The following ELMO1 variants were observed in gnomAD, a reference collection of about 807,000 sequenced individuals.
ELMO1 encodes the protein engulfment and cell motility 1, also known as engulfment and cell motility protein 1.
In ELMO1, 26 loss-of-function variants were observed where a neutral mutation model predicts 98.9. The ratio of observed to expected loss-of-function variants is 0.26; its 90% CI spans 0.19 to 0.36. The LOEUF is 0.36. Ranked by LOEUF, ELMO1 falls within the 10% of genes least tolerant of loss-of-function variation. The pLI, the probability that ELMO1 is intolerant of heterozygous loss-of-function variation, is 1.00. For synonymous variants in ELMO1, 346 were observed against 346.0 expected, an observed-to-expected ratio of 1.00 and a Z score of 0.00; for missense variants, 627 against 935.2, an observed-to-expected ratio of 0.67 and a Z score of 4.30.
chr7:37,157,701 A>T (rs1788890562), intron 13 of ELMO1, among the ~76,000 whole-genome samples: 1 of 152,170 alleles, frequency 6.6e-6, no homozygotes, highest in African/African-American at 2.4e-5. Flanking sequence ...GATAGGAAGA[A>T]TCAATATCGT....
At chr7:37,317,705 G>A (rs1269041593) in intron 2 of ELMO1, among the ~76,000 whole-genome samples, 2 of 152,092 alleles carry the variant, frequency 1.3e-5, no homozygotes, top group Non-Finnish European at 2.9e-5. Context: ...TGGGAGAGGT[G>A]GGGATGGTTA....
chr7:37,410,516 CCTT>C (rs1199869527), intron 1 of ELMO1, among the ~76,000 whole-genome samples: 1 of 152,206 alleles, frequency 6.6e-6, no homozygotes, highest in Non-Finnish European at 1.5e-5. Context: ...GTTCCAGTAA[CCTT>C]CTGCTCTAGC....
chr7:37,305,025 C>A (rs1032456971), intron 4 of ELMO1, among the ~76,000 whole-genome samples: 1 of 152,060 alleles, frequency 6.6e-6, no homozygotes, highest in African/African-American at 2.4e-5. Flanking sequence ...TAAGTCAGTG[C>A]CCATGTTTTC....
intron 7 of ELMO1, among the ~76,000 whole-genome samples, chr7:37,244,083 G>A (rs916372725): frequency 6.6e-6 from 1 of 152,122 alleles, no homozygotes; most frequent in Non-Finnish European, 1.5e-5. Context: ...CACTGCTCCA[G>A]AAGTAGGGTA....
intron 14 of ELMO1, among the ~76,000 whole-genome samples, chr7:37,100,401 T>C (rs918865995): frequency 2.6e-5 from 4 of 152,244 alleles, no homozygotes; most frequent in Admixed American, 6.5e-5. Flanking sequence ...CTTCTCCAAT[T>C]GTGTAGATCA....
intron 13 of ELMO1, among the ~76,000 whole-genome samples, chr7:37,167,105 T>C (rs1380499393): frequency 6.6e-6 from 1 of 152,210 alleles, no homozygotes; most frequent in African/African-American, 2.4e-5. Flanking sequence ...GCCTTCTTTT[T>C]CTCTTTTGAT....
intron 9 of ELMO1, among the ~76,000 whole-genome samples, chr7:37,224,122 C>T (rs1374305242): frequency 3.9e-5 from 6 of 152,214 alleles, no homozygotes; most frequent in Non-Finnish European, 8.8e-5. Context: ...CTACAAAGTA[C>T]CCCAGTATTG....
At chr7:37,183,294 G>A (rs181039010) in intron 13 of ELMO1, among the ~76,000 whole-genome samples, 7 of 152,266 alleles carry the variant, frequency 4.6e-5, no homozygotes, top group South Asian at 4.1e-4. Flanking sequence ...AATAAACCCC[G>A]GCTGTAAAGA....
At chr7:36,923,157 C>T (rs748420237) in intron 16 of ELMO1, among the ~76,000 whole-genome samples, 3 of 152,124 alleles carry the variant, frequency 2.0e-5, no homozygotes, top group Non-Finnish European at 4.4e-5. Flanking sequence ...GTGAGGTCCT[C>T]GGTATTTTTT....
chr7:36,989,135 A>G (rs1791700252), intron 16 of ELMO1, among the ~76,000 whole-genome samples: 1 of 152,240 alleles, frequency 6.6e-6, no homozygotes, highest in African/African-American at 2.4e-5. Context: ...TTCATAATCC[A>G]GTGCATTCTA....
At chr7:37,075,570 C>G (rs1181667537) in intron 15 of ELMO1, among the ~76,000 whole-genome samples, 4 of 151,864 alleles carry the variant, frequency 2.6e-5, no homozygotes, top group Non-Finnish European at 4.4e-5. Flanking sequence ...AGGATGAGAC[C>G]AAGGTTCTAT....
intron 16 of ELMO1, 77 bp from the exon 17 acceptor site, chr7:36,895,094 C>A: frequency 6.4e-7 from 1 of 1,553,208 alleles, no homozygotes; most frequent in South Asian, 1.2e-5. Flanking sequence ...GAGTTAAGGG[C>A]TCCCTGCTTC....
At chr7:36,875,383 T>TTC (rs140740651) in intron 19 of ELMO1, among the ~76,000 whole-genome samples, 35 of 152,042 alleles carry the variant, frequency 2.3e-4, no homozygotes, top group African/African-American at 7.5e-4. Context: ...CACACTCTCT[T>TTC]TCTCTCTCTC....
At chr7:37,198,042 C>A (rs1010920763) in intron 13 of ELMO1, among the ~76,000 whole-genome samples, 1 of 152,202 alleles carries the variant, frequency 6.6e-6, no homozygotes, top group African/African-American at 2.4e-5. Flanking sequence ...TTTTGAAAAT[C>A]TGCACAAGAG....
chr7:37,182,398 C>T (rs1790922377), intron 13 of ELMO1, among the ~76,000 whole-genome samples: 1 of 149,010 alleles, frequency 6.7e-6, no homozygotes, highest in Non-Finnish European at 1.5e-5. Flanking sequence ...GCTCTCAGCA[C>T]ATATAAGGTG....
At chr7:36,911,642 C>A (rs770635678) in intron 16 of ELMO1, among the ~76,000 whole-genome samples, 1 of 152,250 alleles carries the variant, frequency 6.6e-6, no homozygotes, top group South Asian at 2.1e-4. Flanking sequence ...GGTAACATAC[C>A]TTAGACCTGA....
intron 1 of ELMO1, among the ~76,000 whole-genome samples, chr7:37,433,708 G>A (rs114498603): frequency 1.4e-3 from 207 of 152,190 alleles, no homozygotes; most frequent in African/African-American, 4.2e-3. Context: ...AGGGAGCAGG[G>A]TGCCTCAAGG....
intron 14 of ELMO1, among the ~76,000 whole-genome samples, chr7:37,108,142 A>C (rs1785043310): frequency 6.6e-6 from 1 of 152,184 alleles, no homozygotes. Flanking sequence ...GTGAAAAGGA[A>C]ATATTTTCTT....
At chr7:37,267,094 C>A (rs369254511) in intron 5 of ELMO1, among the ~76,000 whole-genome samples, 1 of 138,152 alleles carries the variant, frequency 7.2e-6, no homozygotes, top group African/African-American at 2.7e-5. Flanking sequence ...CACACGAGTA[C>A]TACTGGAAGT....
Sources: allele counts gnomAD v4.1 joint callset (sites outside exome capture counted in the v4.1 genomes callset), GRCh38; gene constraint gnomAD v4.1.1; transcripts MANE v1.5; gene names NCBI Gene and HGNC (gene_info 2026-07-23, HGNC 2026-07-21).